The following SOBP variants were observed in gnomAD, a reference collection of about 807,000 sequenced individuals.
SOBP encodes the protein sine oculis binding protein homolog.
SOBP carries 4 observed loss-of-function variants against 53.6 expected under a neutral mutation model. That is an observed-to-expected ratio of 0.07 (90% confidence interval 0.04 to 0.17). The LOEUF (loss-of-function observed/expected upper bound fraction) is 0.17, where lower values mean the gene tolerates loss of function less well. Ranked by LOEUF, SOBP falls within the 10% of genes least tolerant of loss-of-function variation. The probability of loss-of-function intolerance (pLI) is 1.00; values close to 1 mark genes in which losing one functional copy is unlikely to be tolerated. For synonymous variants in SOBP, 584 were observed against 522.6 expected, an observed-to-expected ratio of 1.12 and a Z score of -1.60; for missense variants, 1,088 against 1,204.7, an observed-to-expected ratio of 0.90 and a Z score of 1.43.
At chr6:107,596,425 G>A (rs1454060110) in intron 5 of SOBP, among the ~76,000 whole-genome samples, 2 of 152,206 alleles carry the variant, frequency 1.3e-5, no homozygotes, top group African/African-American at 2.4e-5. Context: ...AGGTAAAAAT[G>A]AAATGCTTAT....
At chr6:107,612,268 G>T (rs1157405462) in intron 5 of SOBP, among the ~76,000 whole-genome samples, 1 of 152,124 alleles carries the variant, frequency 6.6e-6, no homozygotes, top group Non-Finnish European at 1.5e-5. Context: ...AAACCAAAGG[G>T]CAGAACTGAT....
Position 107,635,477 on chromosome 6 carries a change from TGTCCGCCGG to T in SOBP, c.*3+10_*3+18del, listed in dbSNP as rs754556541. On this transcript the variant is annotated intron_variant, in intron 6 of 6. Transcript: ENST00000317357. This position sits in a 1 kb window ranked among gnomAD's most constrained non-coding sequence, Gnocchi z 4.5. ...AATCAGAATAAGTAAAAGGTTTGTA[TGTCCGCCGG>T]GCGCTCCTCCACACCAGCCAGTGCA... The T allele has an allele frequency of 1.1e-5, 17 of 1,612,160 alleles. No homozygotes were observed. The South Asian group carries it at 1.9e-4, about 18-fold the overall frequency.
intron 5 of SOBP, among the ~76,000 whole-genome samples, chr6:107,630,987 A>G (rs1430321316): frequency 6.6e-6 from 1 of 152,190 alleles, no homozygotes; most frequent in Non-Finnish European, 1.5e-5. Flanking sequence ...TCATTTGACA[A>G]TTGGGATAGA....
At chr6:107,602,536 C>G (rs1340664886) in intron 5 of SOBP, among the ~76,000 whole-genome samples, 1 of 135,780 alleles carries the variant, frequency 7.4e-6, no homozygotes. Flanking sequence ...CATGCAGGAG[C>G]GCTAAGCCTC....
rs5878928 is a variant in SOBP, at chr6:107,659,532, T to TAAA, written c.*1341_*1343dup. The TAAA allele has an allele frequency of 6.0e-4, 87 of 145,644 alleles. 1 individual carries two copies. Among genetic ancestry groups the TAAA allele is most frequent in the East Asian group, 1.0e-3 (5 of 4,950 alleles). 9.0% of individuals were successfully genotyped at this position (145,644 alleles called of 1,614,324 possible). A position where few individuals can be genotyped will look rare whatever the true frequency, so the allele number is the denominator to read the frequency against. On this transcript the variant is annotated 3_prime_UTR_variant, in exon 7 of 7. Transcript: ENST00000317357. ...AAAAAAATCAAAAAAGGAAGAAAAC[T>TAAA]AAAAAAAAAAAAAATCAAATCACCT... is the stretch of plus-strand genomic sequence containing the variant.
At chr6:107,604,542 C>T (rs1431711910) in intron 5 of SOBP, among the ~76,000 whole-genome samples, 2 of 150,780 alleles carry the variant, frequency 1.3e-5, no homozygotes, top group African/African-American at 4.9e-5. Flanking sequence ...CTCTATCCCA[C>T]CTCTACCCCT....
intron 1 of SOBP, among the ~76,000 whole-genome samples, chr6:107,502,470 T>C (rs1158096205): frequency 6.6e-6 from 1 of 152,214 alleles, no homozygotes; most frequent in Non-Finnish European, 1.5e-5. Flanking sequence ...ATTGATAAGG[T>C]AAAAATATAT....
intron 3 of SOBP, among the ~76,000 whole-genome samples, chr6:107,528,012 A>G (rs1184723171): frequency 6.6e-6 from 1 of 152,094 alleles, no homozygotes; most frequent in Admixed American, 6.6e-5. Context: ...AAGGCTAGAG[A>G]TTAGCTAAGT....
At chr6:107,545,401 A>G (rs1034937870) in intron 4 of SOBP, among the ~76,000 whole-genome samples, 1 of 152,236 alleles carries the variant, frequency 6.6e-6, no homozygotes. Flanking sequence ...GAAAGAGAAC[A>G]GCATGTTTGC....
At chr6:107,547,936 T>A (rs1017680362) in intron 4 of SOBP, among the ~76,000 whole-genome samples, 1 of 152,118 alleles carries the variant, frequency 6.6e-6, no homozygotes, top group Admixed American at 6.6e-5. Flanking sequence ...TAAGGCATGC[T>A]TCAGGGAAGG....
intron 5 of SOBP, among the ~76,000 whole-genome samples, chr6:107,588,067 A>G (rs372081751): frequency 6.6e-6 from 1 of 152,256 alleles, no homozygotes; most frequent in South Asian, 2.1e-4. Context: ...CAACTAAGTG[A>G]AAACACTGAA....
intron 3 of SOBP, among the ~76,000 whole-genome samples, chr6:107,531,973 G>A (rs1395581124): frequency 6.6e-6 from 1 of 152,082 alleles, no homozygotes. Flanking sequence ...GCAGGCTGAT[G>A]ACCACACTGC....
At chr6:107,512,016 C>T (rs1783184614) in intron 3 of SOBP, among the ~76,000 whole-genome samples, 1 of 151,264 alleles carries the variant, frequency 6.6e-6, no homozygotes, top group Non-Finnish European at 1.5e-5. Flanking sequence ...GACTTTTTTG[C>T]AGACTCTAGG....
rs1782538215 is a variant in SOBP at position 107,490,219 on chromosome 6, T to C, written c.-398T>C. 1 of 148,810 alleles carries C rather than the reference T, an allele frequency of 6.7e-6. No individual in the cohort carries two copies. Among genetic ancestry groups the C allele is most frequent in the African/African-American group, 2.4e-5 (1 of 40,956 alleles). 9.2% of individuals were successfully genotyped at this position (148,810 alleles called of 1,614,324 possible). A position where few individuals can be genotyped will look rare whatever the true frequency, so the allele number is the denominator to read the frequency against. On this transcript the variant is annotated 5_prime_UTR_variant, in exon 1 of 7. An upstream start codon of the reference 5' UTR is lost. Transcript: ENST00000317357. ...TGCGGACGGACCGAGCGACGGAAGA[T>C]GGCTGACGACTCCACGGGGCCCCGA... is the stretch of plus-strand genomic sequence containing the variant.
In SOBP at chr6:107,661,079, C is replaced by A. The variant is rs1037648530; in HGVS notation, c.*2876C>A. 1.4e-4 allele frequency among the ~76,000 whole-genome samples: 21 copies of A among 152,228 alleles called. No homozygotes were observed. Among genetic ancestry groups the A allele is most frequent in the African/African-American group, 5.1e-4 (21 of 41,464 alleles). The stretch of plus-strand genomic sequence containing the variant: ...ATCTGGTCTTGGCCATGGAGACAGT[C>A]ATCCAGGATATTGATTTTGCTTTTG... On this transcript the variant is annotated 3_prime_UTR_variant, in exon 7 of 7. Coordinates refer to ENST00000317357, the MANE Select transcript of SOBP (RefSeq NM_018013.4).
At chr6:107,572,687 C>T (rs527689905) in intron 4 of SOBP, among the ~76,000 whole-genome samples, 4 of 152,280 alleles carry the variant, frequency 2.6e-5, no homozygotes, top group African/African-American at 7.2e-5. Flanking sequence ...TTCTGCTCCT[C>T]TCTGTCTTTG....
intron 5 of SOBP, among the ~76,000 whole-genome samples, chr6:107,615,523 G>A (rs2115109136): frequency 6.6e-6 from 1 of 152,302 alleles, no homozygotes; most frequent in East Asian, 1.9e-4. Context: ...AGTCTGTCTT[G>A]TAAATGTGAA....
Position 107,635,586 on chromosome 6 carries a change from TG to T in SOBP, c.*3+118del. 1 of 1,372,322 alleles carries T rather than the reference TG, an allele frequency of 7.3e-7. No homozygotes were observed. The highest frequency in any genetic ancestry group is 1.0e-6 in the Non-Finnish European group (1 of 984,386). 85.0% of individuals were successfully genotyped at this position (1,372,322 alleles called of 1,614,324 possible). A position where few individuals can be genotyped will look rare whatever the true frequency, so the allele number is the denominator to read the frequency against. ...TGATTTTACCGTGTGTGTTTTATAT[TG>T]CACACGGTGTGGTCACGCTATCAAC... On this transcript the variant is annotated intron_variant, in intron 6 of 6. Coordinates refer to ENST00000317357, the MANE Select transcript of SOBP (RefSeq NM_018013.4). This position sits in a 1 kb window ranked among gnomAD's most constrained non-coding sequence, Gnocchi z 4.5.
chr6:107,629,747 C>A (rs1770622712), intron 5 of SOBP, among the ~76,000 whole-genome samples: 2 of 152,172 alleles, frequency 1.3e-5, no homozygotes, highest in African/African-American at 4.8e-5. Context: ...ATCCATCAGG[C>A]CACTGAGCTT....
Sources: gnomAD v4.1 joint callset for allele counts (sites outside exome capture counted in the v4.1 genomes callset) on GRCh38, gnomAD v4.1.1 for gene constraint, Gnocchi (gnomAD v3.1) non-coding constraint, MANE v1.5 for transcripts, NCBI Gene and HGNC (gene_info 2026-07-23, HGNC 2026-07-21) for gene names.